The following LRRC4C variants were observed in gnomAD, a reference collection of about 807,000 sequenced individuals.
The protein encoded by LRRC4C is leucine rich repeat containing 4C, also known as leucine-rich repeat-containing protein 4C.
LRRC4C carries 5 observed loss-of-function variants against 33.6 expected under a neutral mutation model. The ratio of observed to expected loss-of-function variants is 0.15; its 90% confidence interval spans 0.08 to 0.31. LRRC4C has a LOEUF of 0.31. LRRC4C is among the 10% of genes least tolerant of loss of function. LRRC4C has a pLI of 1.00. For synonymous variants in LRRC4C, 329 were observed against 302.0 expected (o/e 1.09, Z -0.93); for missense variants, 560 against 796.7 (o/e 0.70, Z 3.58).
chr11:40,984,360 GAAAAAAGA>G (rs1464523189), intron 1 of LRRC4C, among the ~76,000 whole-genome samples: 11 of 62,042 alleles, frequency 1.8e-4, no homozygotes, highest in African/African-American at 6.6e-4. Flanking sequence ...GAGAAAGAAA[GAAAAAAGA>G]AAGAAAGAAA....
chr11:40,981,471 A>G (rs1852533881), intron 1 of LRRC4C, among the ~76,000 whole-genome samples: 1 of 152,020 alleles, frequency 6.6e-6, no homozygotes, highest in Admixed American at 6.5e-5. Context: ...TGCTTTCTTC[A>G]GGAGAGTATT....
intron 1 of LRRC4C, among the ~76,000 whole-genome samples, chr11:41,338,842 T>A (rs1951539972): frequency 6.6e-6 from 1 of 152,082 alleles, no homozygotes; most frequent in Non-Finnish European, 1.5e-5. Context: ...TAAAAAAAAA[T>A]CTAATGACCT....
intron 3 of LRRC4C, among the ~76,000 whole-genome samples, chr11:40,524,815 T>G (rs913727020): frequency 6.6e-6 from 1 of 152,210 alleles, no homozygotes; most frequent in African/African-American, 2.4e-5. Context: ...ACAGATATGG[T>G]CCTACCCTTT....
At chr11:41,047,124 G>A (rs1051257044) in intron 1 of LRRC4C, among the ~76,000 whole-genome samples, 2 of 151,928 alleles carry the variant, frequency 1.3e-5, no homozygotes, top group Non-Finnish European at 1.5e-5. Context: ...CTCTAATAAG[G>A]ATCTTGAAGT....
intron 2 of LRRC4C, among the ~76,000 whole-genome samples, chr11:40,734,719 A>C (rs559902784): frequency 6.6e-6 from 1 of 152,330 alleles, no homozygotes; most frequent in South Asian, 2.1e-4. Flanking sequence ...CTAAAAAAAA[A>C]ATCTCAAAGC....
At chr11:40,956,409 A>C (rs553316448) in intron 1 of LRRC4C, among the ~76,000 whole-genome samples, 1 of 151,842 alleles carries the variant, frequency 6.6e-6, no homozygotes, top group South Asian at 2.1e-4. Flanking sequence ...AAGAATATTA[A>C]TTTCTGGCAG....
intron 1 of LRRC4C, among the ~76,000 whole-genome samples, chr11:41,363,601 G>A (rs72896522): frequency 0.04 from 6,028 of 152,138 alleles, 161 homozygotes; most frequent in Middle Eastern, 0.072. Context: ...ATCAGCTCCC[G>A]TCAGACTATG....
intron 2 of LRRC4C, among the ~76,000 whole-genome samples, chr11:40,861,950 C>A (rs537392769): frequency 2.0e-5 from 3 of 152,254 alleles, no homozygotes; most frequent in Non-Finnish European, 2.9e-5. Context: ...TCCTGTGACC[C>A]AAACACCTTC....
chr11:40,261,954 G>A (rs894477619), intron 4 of LRRC4C, among the ~76,000 whole-genome samples: 9 of 152,124 alleles, frequency 5.9e-5, no homozygotes, highest in Non-Finnish European at 1.2e-4. Context: ...CGAAAGCAAT[G>A]GCAACAAAAG....
At chr11:41,221,134 T>A (rs993719254) in intron 1 of LRRC4C, among the ~76,000 whole-genome samples, 1 of 152,146 alleles carries the variant, frequency 6.6e-6, no homozygotes, top group Non-Finnish European at 1.5e-5. Flanking sequence ...ATCTGCTTCC[T>A]CTTCCGACCC....
intron 1 of LRRC4C, among the ~76,000 whole-genome samples, chr11:41,192,178 A>G (rs1565466689): frequency 1.3e-5 from 2 of 152,132 alleles, no homozygotes; most frequent in Non-Finnish European, 2.9e-5. Context: ...CCTTCATAGC[A>G]TCTGACTTGG....
chr11:41,288,562 T>C (rs1949901631), intron 1 of LRRC4C, among the ~76,000 whole-genome samples: 1 of 152,216 alleles, frequency 6.6e-6, no homozygotes, highest in Admixed American at 6.5e-5. Flanking sequence ...TCACACTTAG[T>C]AAATAAGTAG....
chr11:41,366,178 CTAGATAGATAGATAGA>C (rs937740931), intron 1 of LRRC4C, among the ~76,000 whole-genome samples: 1 of 142,240 alleles, frequency 7.0e-6, no homozygotes, highest in African/African-American at 2.9e-5. Context: ...GTTTATATAT[CTAGATAGATAGATAGA>C]TAGACAGATA....
At position 40,787,781 on chromosome 11, in the gene LRRC4C, G is replaced by A. The variant is rs142496444; in HGVS notation, c.-406-139503C>T. Reference sequence around the variant, plus strand: ...CAACAGGGATTGGAGCTAGCTGAGTGTAAAGTCTAACCATGCTTTTTCCAA... The same window carrying A: ...CAACAGGGATTGGAGCTAGCTGAGTATAAAGTCTAACCATGCTTTTTCCAA... On this transcript the variant is annotated intron_variant, in intron 2 of 6. Transcript: ENST00000528697. Among the ~76,000 whole-genome samples, 242 of 152,280 alleles carry A rather than the reference G, an allele frequency of 1.6e-3. 2 individuals carry two copies. In the East Asian group the frequency reaches 0.017, roughly 11 times the overall value.
intron 3 of LRRC4C, among the ~76,000 whole-genome samples, chr11:40,403,954 T>C (rs1021562905): frequency 3.9e-5 from 6 of 152,112 alleles, no homozygotes; most frequent in African/African-American, 1.4e-4. Context: ...ATCAAGATAA[T>C]AGATTATTTC....
intron 6 of LRRC4C, among the ~76,000 whole-genome samples, chr11:40,135,333 C>CT (rs1481083783): frequency 1.3e-5 from 2 of 152,154 alleles, no homozygotes; most frequent in Non-Finnish European, 2.9e-5. Context: ...ACCAAGTTTT[C>CT]TTTTTTGCAC....
At chr11:40,416,896 A>G (rs562485278) in intron 3 of LRRC4C, among the ~76,000 whole-genome samples, 3 of 152,312 alleles carry the variant, frequency 2.0e-5, no homozygotes, top group East Asian at 3.9e-4. Context: ...AGCTCTCAGT[A>G]TTTGTTGAAT....
At chr11:40,671,445 C>G (rs1031124271) in intron 2 of LRRC4C, among the ~76,000 whole-genome samples, 1 of 152,132 alleles carries the variant, frequency 6.6e-6, no homozygotes, top group African/African-American at 2.4e-5. Flanking sequence ...GATTGGGAAG[C>G]AGATAGAGAA....
intron 1 of LRRC4C, among the ~76,000 whole-genome samples, chr11:41,174,019 T>C (rs1249601264): frequency 6.6e-6 from 1 of 152,072 alleles, no homozygotes; most frequent in Non-Finnish European, 1.5e-5. Context: ...CATTAATTTG[T>C]CAACTACAGG....
Sources: gnomAD v4.1 joint callset for allele counts (sites outside exome capture counted in the v4.1 genomes callset) on GRCh38, gnomAD v4.1.1 for gene constraint, MANE v1.5 for transcripts, NCBI Gene and HGNC (gene_info 2026-07-23, HGNC 2026-07-21) for gene names.